Variants in PREX2 observed in about 807,000 individuals in gnomAD.
PREX2 encodes phosphatidylinositol-3,4,5-trisphosphate dependent Rac exchange factor 2.
A neutral mutation model predicts 203.2 loss-of-function variants in PREX2; 107 were observed. That is an observed-to-expected ratio of 0.53 (90% CI 0.45 to 0.62). The LOEUF is 0.62. Ranked by LOEUF, PREX2 falls within the 20% of genes least tolerant of loss-of-function variation. The pLI, the probability that PREX2 is intolerant of heterozygous loss-of-function variation, is 0.00. For missense variants in PREX2, 1,777 were observed against 1,955.9 expected (o/e 0.91, Z 1.72); for synonymous variants, 672 against 663.6 (o/e 1.01, Z -0.19).
chr8:68,199,904 C>T (rs763182779), intron 37 of PREX2, among the ~76,000 whole-genome samples: 1 of 152,014 alleles, frequency 6.6e-6, no homozygotes, highest in Non-Finnish European at 1.5e-5. Flanking sequence ...ATAGGGCAGA[C>T]GATGAAGCTG....
At chr8:67,981,618 T>G (rs1009024415) in intron 1 of PREX2, among the ~76,000 whole-genome samples, 1 of 152,196 alleles carries the variant, frequency 6.6e-6, no homozygotes, top group African/African-American at 2.4e-5. Context: ...ACTGGGAGTG[T>G]TTCAGCTAAG....
At chr8:68,170,802 A>G (rs1338170372) in intron 35 of PREX2, among the ~76,000 whole-genome samples, 1 of 152,048 alleles carries the variant, frequency 6.6e-6, no homozygotes, top group Non-Finnish European at 1.5e-5. Flanking sequence ...GCCATGAGCT[A>G]TCATCCCTAT....
rs1320397577 is a variant in PREX2, at chr8:68,157,456, A to G, written c.4346+20A>G. The G allele has an allele frequency of 4.7e-6, 6 of 1,289,504 alleles. No homozygotes were observed. The highest frequency in any genetic ancestry group is 5.6e-6 in the Non-Finnish European group (5 of 887,656). The allele number at this position is 1,289,504 out of a possible 1,614,324, so 79.9% of individuals were successfully genotyped here. A position where few individuals can be genotyped will look rare whatever the true frequency, so the allele number is the denominator to read the frequency against. On this transcript the variant is annotated intron_variant, in intron 35 of 39. Transcript: ENST00000288368. ...GCTCAGGTATGTAACAATCCAACTG[A>G]AAAATAATGAGTGTCTATATTTTGA...
chr8:68,090,675 C>T lies in PREX2; in HGVS notation c.2210C>T (p.Ala737Val). The T allele has an allele frequency of 6.2e-7, 1 of 1,613,936 alleles. No individual in the cohort carries two copies. Among genetic ancestry groups the T allele is most frequent in the Non-Finnish European group, 8.5e-7 (1 of 1,179,864 alleles). The change falls in exon 20 of 40, where the codon GCA becomes GTA. Residue 737 changes from alanine to valine, a missense_variant. By Grantham distance (64) the Ala-to-Val change is moderately conservative. Transcript: ENST00000288368. The stretch of plus-strand genomic sequence containing the variant: ...AAAGAGACACATGCCAGTGTCATTG[C>T]ACACGTTACAGCCTGCAGGAAGTAC... ...VSKETHASVI[A>V]HVTACRKYRR...
intron 38 of PREX2, among the ~76,000 whole-genome samples, chr8:68,222,789 A>C (rs1175263072): frequency 6.6e-6 from 1 of 151,968 alleles, no homozygotes; most frequent in African/African-American, 2.4e-5. Context: ...TAATGTCAGC[A>C]GTGATAAGAT....
chr8:68,116,138 G>GA (rs1254736077), intron 26 of PREX2, among the ~76,000 whole-genome samples: 1 of 152,182 alleles, frequency 6.6e-6, no homozygotes, highest in Non-Finnish European at 1.5e-5. Context: ...GAGTAGCTTG[G>GA]AAAAAGCATT....
At chr8:68,196,607 A>G (rs904774895) in intron 37 of PREX2, among the ~76,000 whole-genome samples, 10 of 151,410 alleles carry the variant, frequency 6.6e-5, no homozygotes, top group Admixed American at 2.6e-4. Context: ...GTAAACCGCA[A>G]TGTTGAAGGT....
chr8:67,984,957 C>T lies in PREX2; in HGVS notation c.141+32422C>T, dbSNP rs796933334. 1.3e-4 allele frequency among the ~76,000 whole-genome samples: 20 copies of T among 151,272 alleles called. 2 individuals are homozygous for T. Among genetic ancestry groups the T allele is most frequent in the Admixed American group, 3.9e-4 (6 of 15,224 alleles). On this transcript the variant is annotated intron_variant, in intron 1 of 39. Coordinates refer to ENST00000288368, the MANE Select transcript of PREX2 (RefSeq NM_024870.4). ...AGCCAGCCCAGGCACCCAGCCCAGTCGCACGGGTCCCTGTTAGGACTTTGG... is the reference window on the plus strand; with the variant it reads ...AGCCAGCCCAGGCACCCAGCCCAGTTGCACGGGTCCCTGTTAGGACTTTGG...
chr8:67,980,236 G>T (rs1806227658), intron 1 of PREX2, among the ~76,000 whole-genome samples: 1 of 152,084 alleles, frequency 6.6e-6, no homozygotes, highest in Non-Finnish European at 1.5e-5. Flanking sequence ...GGAAGAGTGG[G>T]GATGAAGTAG....
At chr8:68,191,043 A>G (rs1437118597) in intron 35 of PREX2, among the ~76,000 whole-genome samples, 3 of 152,182 alleles carry the variant, frequency 2.0e-5, no homozygotes, top group Admixed American at 6.5e-5. Context: ...GAATGAGATC[A>G]TATCCTTTGC....
chr8:68,164,167 C>T (rs1183794303), intron 35 of PREX2, among the ~76,000 whole-genome samples: 1 of 151,716 alleles, frequency 6.6e-6, no homozygotes, highest in Non-Finnish European at 1.5e-5. Context: ...TTATGTGGTA[C>T]CTAAGATGGC....
intron 1 of PREX2, among the ~76,000 whole-genome samples, chr8:67,992,493 T>C (rs776533833): frequency 6.6e-6 from 1 of 152,230 alleles, no homozygotes; most frequent in Non-Finnish European, 1.5e-5. Context: ...TATAATTCTA[T>C]GGGATATTAC....
At chr8:68,175,574 A>T (rs567113950) in intron 35 of PREX2, among the ~76,000 whole-genome samples, 1 of 152,292 alleles carries the variant, frequency 6.6e-6, no homozygotes, top group South Asian at 2.1e-4. Context: ...AAAAAGGCAG[A>T]AGGAACTGAA....
chr8:68,037,879 A>G (rs1017399293), intron 6 of PREX2, among the ~76,000 whole-genome samples: 11 of 152,200 alleles, frequency 7.2e-5, no homozygotes, highest in Non-Finnish European at 1.0e-4. Flanking sequence ...TCAACATGAC[A>G]TAGGTGACAT....
chr8:68,211,289 T>C (rs188978143), intron 37 of PREX2, among the ~76,000 whole-genome samples: 2 of 152,374 alleles, frequency 1.3e-5, no homozygotes, highest in African/African-American at 4.8e-5. Flanking sequence ...TACATTTGTC[T>C]TTAGCTTCAT....
intron 35 of PREX2, among the ~76,000 whole-genome samples, chr8:68,171,756 A>G (rs1051569542): frequency 2.0e-5 from 3 of 152,194 alleles, no homozygotes; most frequent in African/African-American, 7.2e-5. Flanking sequence ...ATTCATAAGA[A>G]TCTTGGAAAC....
At chr8:68,212,498 A>G (rs1812758609) in intron 37 of PREX2, among the ~76,000 whole-genome samples, 1 of 152,226 alleles carries the variant, frequency 6.6e-6, no homozygotes, top group Non-Finnish European at 1.5e-5. Context: ...AAATTACAAA[A>G]CAAAATAGGA....
intron 1 of PREX2, among the ~76,000 whole-genome samples, chr8:67,995,482 A>G (rs1039811123): frequency 7.9e-5 from 12 of 152,178 alleles, no homozygotes; most frequent in African/African-American, 2.9e-4. Flanking sequence ...CTTTTAGTGT[A>G]CTTCATTAAT....
intron 37 of PREX2, among the ~76,000 whole-genome samples, chr8:68,197,933 T>A (rs888806339): frequency 7.2e-5 from 11 of 152,080 alleles, no homozygotes; most frequent in South Asian, 4.1e-4. Context: ...TTTATCTTCT[T>A]TCTCAATTGT....
Sources: gnomAD v4.1 joint callset for allele counts (sites outside exome capture counted in the v4.1 genomes callset) on GRCh38, gnomAD v4.1.1 for gene constraint, MANE v1.5 for transcripts, NCBI Gene and HGNC (gene_info 2026-07-23, HGNC 2026-07-21) for gene names.